Variants in MAP3K3 observed in about 807,000 individuals in gnomAD.
The protein encoded by MAP3K3 is MAP/ERK kinase kinase 3.
MAP3K3 carries 12 observed loss-of-function variants against 80.9 expected under a neutral mutation model. The observed-to-expected ratio is 0.15, with a 90% CI of 0.10 to 0.24. The LOEUF (loss-of-function observed/expected upper bound fraction) is 0.24, where lower values mean the gene tolerates loss of function less well. Ranked by LOEUF, MAP3K3 falls within the 10% of genes least tolerant of loss-of-function variation. MAP3K3 has a pLI of 1.00. For synonymous variants in MAP3K3, 272 were observed against 307.1 expected (o/e 0.89, Z 1.19); for missense variants, 596 against 834.7 (o/e 0.71, Z 3.52).
In MAP3K3 at chr17:63,693,154, C is replaced by T. The variant is rs542978870; in HGVS notation, c.1653-395C>T. On this transcript the variant is annotated intron_variant, in intron 15 of 15. Coordinates refer to ENST00000361733, the MANE Select transcript of MAP3K3 (RefSeq NM_002401.5). This position sits in a 1 kb window ranked among gnomAD's most constrained non-coding sequence, Gnocchi z 4.2. ...TCCCCTCAGAGCCTCTGACAGGAAC[C>T]AGCCCTGCCGCCACCTTGACTTTAG... is the stretch of plus-strand genomic sequence containing the variant. 8.5e-5 allele frequency among the ~76,000 whole-genome samples: 13 copies of T among 152,298 alleles called. No individual in the cohort carries two copies. In the South Asian group the frequency reaches 2.7e-3, roughly 32 times the overall value.
chr17:63,624,396 C>T (rs537386258), intron 1 of MAP3K3, among the ~76,000 whole-genome samples: 12 of 152,182 alleles, frequency 7.9e-5, no homozygotes, highest in Non-Finnish European at 1.5e-4. Context: ...CCATCCACTT[C>T]CTACTTTGTT....
At chr17:63,678,345 G>GA (rs2035261719) in intron 6 of MAP3K3, among the ~76,000 whole-genome samples, 1 of 152,162 alleles carries the variant, frequency 6.6e-6, no homozygotes, top group South Asian at 2.1e-4. Flanking sequence ...GTTTCTGTTA[G>GA]GACTTAGAAA....
intron 4 of MAP3K3, among the ~76,000 whole-genome samples, chr17:63,656,803 A>C (rs2034779053): frequency 6.6e-6 from 1 of 152,132 alleles, no homozygotes; most frequent in Non-Finnish European, 1.5e-5. Flanking sequence ...GTCTGTTCTC[A>C]CGCTGCTGTA....
At chr17:63,658,338 G>A (rs1243614954) in intron 5 of MAP3K3, among the ~76,000 whole-genome samples, 1 of 152,118 alleles carries the variant, frequency 6.6e-6, no homozygotes, top group African/African-American at 2.4e-5. Context: ...TGGAACACTT[G>A]TAGGAAACAA....
intron 1 of MAP3K3, among the ~76,000 whole-genome samples, chr17:63,625,609 T>C (rs2034084439): frequency 6.6e-6 from 1 of 152,174 alleles, no homozygotes; most frequent in Admixed American, 6.5e-5. Flanking sequence ...TGTTAGGAGC[T>C]CCCTGTTAGA....
intron 2 of MAP3K3, among the ~76,000 whole-genome samples, chr17:63,635,074 C>T (rs1230840193): frequency 6.6e-6 from 1 of 152,210 alleles, no homozygotes; most frequent in Non-Finnish European, 1.5e-5. Context: ...CCACTAGCTA[C>T]ATGTGGCTGT....
chr17:63,632,120 C>T (rs1407165817), intron 1 of MAP3K3, among the ~76,000 whole-genome samples: 1 of 152,136 alleles, frequency 6.6e-6, no homozygotes, highest in African/African-American at 2.4e-5. Flanking sequence ...ACCAACTGCC[C>T]TGTTTGAGCG....
In MAP3K3 at chr17:63,693,619, G is replaced by T; in HGVS notation, c.1723G>T (p.Ala575Ser). 1 of 1,609,672 alleles carries T rather than the reference G, an allele frequency of 6.2e-7. No homozygotes were observed. The part of the protein sequence containing the change: ...PPWAEYEAMA[A>S]IFKIATQPTN... ...GTGGGCAGAGTATGAAGCTATGGCC[G>T]CCATCTTCAAGATTGCCACCCAGCC... The change falls in exon 16 of 16, where the codon GCC becomes TCC. Residue 575 changes from alanine to serine, a missense_variant. Transcript: ENST00000361733. The surrounding 1 kb of genome is among the most constrained non-coding windows in gnomAD (Gnocchi z 4.2).
At chr17:63,667,124 A>C in intron 6 of MAP3K3, 64 bp downstream of exon 6, 2 of 1,476,610 alleles carry the variant, frequency 1.4e-6, no homozygotes, top group Non-Finnish European at 9.1e-7. Context: ...AAAAAGCAAC[A>C]AGTATTTGTT....
intron 5 of MAP3K3, among the ~76,000 whole-genome samples, chr17:63,663,509 A>G (rs2034937984): frequency 6.6e-6 from 1 of 152,156 alleles, no homozygotes; most frequent in African/African-American, 2.4e-5. Context: ...TCAAAAAAAA[A>G]AAAAAAGTTT....
chr17:63,642,680 ATGT>A (rs1475321429), intron 2 of MAP3K3, among the ~76,000 whole-genome samples: 1 of 151,904 alleles, frequency 6.6e-6, no homozygotes, highest in Admixed American at 6.6e-5. Flanking sequence ...AATAAATAAA[ATGT>A]TGTCCCAGTT....
In MAP3K3 at chr17:63,691,744, A is replaced by T; in HGVS notation, c.1356A>T (p.Lys452Asn). The change falls in exon 14 of 16, where the codon AAA becomes AAT. Residue 452 changes from lysine to asparagine, a missense_variant. By Grantham distance (94) the Lys-to-Asn change is moderately conservative (BLOSUM62 0). Around this residue, in one of 2 missense-constraint regions of MAP3K3, gnomAD observed 364 missense variants for 588.9 expected, o/e 0.62. Transcript: ENST00000361733. This position sits in a 1 kb window ranked among gnomAD's most constrained non-coding sequence, Gnocchi z 4.8. ...FMEYMPGGSV[K>N]DQLKAYGALT... ...CTTGTGGCCTCCAGGGCTCGGTGAA[A>T]GACCAGTTGAAGGCTTACGGTGCTC... 1 of 1,613,700 alleles carries T rather than the reference A, an allele frequency of 6.2e-7. No homozygotes were observed. Among genetic ancestry groups the T allele is most frequent in the Non-Finnish European group, 8.5e-7 (1 of 1,179,746 alleles).
intron 6 of MAP3K3, among the ~76,000 whole-genome samples, chr17:63,675,836 C>T (rs548677696): frequency 2.6e-5 from 4 of 152,334 alleles, no homozygotes; most frequent in South Asian, 2.1e-4. Flanking sequence ...CTGAGACCTA[C>T]GGAATGAGCT....
chr17:63,674,058 C>G (rs1450135084), intron 6 of MAP3K3, among the ~76,000 whole-genome samples: 2 of 149,372 alleles, frequency 1.3e-5, no homozygotes, highest in Non-Finnish European at 3.0e-5. Flanking sequence ...CCAGCTTAGG[C>G]AACAGAGTGA....
At chr17:63,655,427 A>G (rs1273808853) in intron 4 of MAP3K3, among the ~76,000 whole-genome samples, 1 of 152,040 alleles carries the variant, frequency 6.6e-6, no homozygotes, top group Non-Finnish European at 1.5e-5. Context: ...CCTTACCAAC[A>G]TTTGTTATTT....
At chr17:63,656,671 A>G (rs1008448961) in intron 4 of MAP3K3, among the ~76,000 whole-genome samples, 1 of 152,200 alleles carries the variant, frequency 6.6e-6, no homozygotes, top group Admixed American at 6.5e-5. Flanking sequence ...ATACGTTTGC[A>G]TCTTATGAAT....
chr17:63,634,576 A>G, intron 2 of MAP3K3: 1 of 734,346 alleles, frequency 1.4e-6, no homozygotes, highest in Non-Finnish European at 2.2e-6. Context: ...AGAAGCCTAA[A>G]AAGGATTGAC....
In MAP3K3 at chr17:63,690,387, A is replaced by G; in HGVS notation, c.1187A>G (p.Asp396Gly). ...CTTGCTTCCAAGCAGGTCCAATTTG[A>G]TCCAGACAGTCCTGAGACAAGCAAG... is the stretch of plus-strand genomic sequence containing the variant. ...RELASKQVQFDPDSPETSKEV... is the reference protein window; with the variant it reads ...RELASKQVQFGPDSPETSKEV... Residue 396 changes from aspartate (D) to glycine (G), a missense_variant, in exon 12 of 16, where the codon GAT becomes GGT. By Grantham distance (94) the Asp-to-Gly change is moderately conservative. Transcript: ENST00000361733. The G allele has an allele frequency of 6.2e-7, 1 of 1,614,070 alleles. No individual in the cohort carries two copies. Among genetic ancestry groups the G allele is most frequent in the South Asian group, 1.1e-5 (1 of 91,072 alleles).
At chr17:63,681,986 A>T in intron 7 of MAP3K3, 87 bp downstream of exon 7, 1 of 1,193,386 alleles carries the variant, frequency 8.4e-7, no homozygotes, top group Non-Finnish European at 1.1e-6. Context: ...CACAGTGCAG[A>T]ACTGAGGGAC....
Sources: gnomAD v4.1 joint callset for allele counts (sites outside exome capture counted in the v4.1 genomes callset) on GRCh38, gnomAD v4.1.1 for gene constraint, gnomAD v4.1.1 regional missense constraint, Gnocchi (gnomAD v3.1) non-coding constraint, MANE v1.5 for transcripts, NCBI Gene and HGNC (gene_info 2026-07-23, HGNC 2026-07-21) for gene names.